Variants in SEPTIN6 observed in about 807,000 individuals in gnomAD.
SEPTIN6 encodes the protein septin 6.
A neutral mutation model predicts 33.6 loss-of-function variants in SEPTIN6; 8 were observed. The observed-to-expected ratio is 0.24, with a 90% CI of 0.14 to 0.43. The LOEUF is 0.43. SEPTIN6 is among the 20% of genes least tolerant of loss of function. The pLI is 1.00. For missense variants in SEPTIN6, 250 were observed against 340.8 expected (o/e 0.73, Z 2.10); for synonymous variants, 131 against 140.0 (o/e 0.94, Z 0.45).
At chrX:119,656,943 G>A (rs1444511143) in intron 3 of SEPTIN6, among the ~76,000 whole-genome samples, 1 of 108,966 alleles carries the variant, frequency 9.2e-6, no homozygotes, top group Non-Finnish European at 1.9e-5. Context: ...TGGAGGCCAG[G>A]TGGGGTGGCT....
chrX:119,674,281 C>T (rs776489976), intron 2 of SEPTIN6, among the ~76,000 whole-genome samples: 1 of 110,241 alleles, frequency 9.1e-6, no homozygotes, highest in South Asian at 3.9e-4. Context: ...TCACGCCATT[C>T]TCCTGCCTCA....
In SEPTIN6 at chrX:119,691,667, T is replaced by C. The variant is rs764246124; in HGVS notation, c.30+1409A>G. Among the ~76,000 whole-genome samples the C allele has an allele frequency of 2.7e-5, 3 of 112,263 alleles. No homozygotes were observed. In the Admixed American group the frequency reaches 2.8e-4, roughly 11 times the overall value. The stretch of plus-strand genomic sequence containing the variant: ...CTTCCAAACAGGGACAAAAGAGACA[T>C]TAATACATATTCTGTAGAGAAAATA... On this transcript the variant is annotated intron_variant, in intron 1 of 10. Transcript: ENST00000394610.
chrX:119,632,503 A>T (rs776798460), intron 8 of SEPTIN6, among the ~76,000 whole-genome samples: 127 of 99,435 alleles, frequency 1.3e-3, no homozygotes, highest in African/African-American at 4.4e-3. Context: ...GCCAACAGAC[A>T]TTTTTTTTTT....
At chrX:119,661,701 C>A (rs1051225139) in intron 3 of SEPTIN6, among the ~76,000 whole-genome samples, 7 of 110,916 alleles carry the variant, frequency 6.3e-5, no homozygotes, top group Admixed American at 2.9e-4. Flanking sequence ...CTCTGAGCCT[C>A]ACCTAGTCTT....
Position 119,666,061 on chromosome X carries a change from G to C in SEPTIN6, c.146-2384C>G, listed in dbSNP as rs1349746363. On this transcript the variant is annotated intron_variant, in intron 2 of 10. Coordinates refer to ENST00000394610, the MANE Select transcript of SEPTIN6 (RefSeq NM_145799.4). ...CGCGCCACTGCACTCCAGCCTGGGC[G>C]ACAGAGTGAGACTCCATCTCAAAAA... 8.0e-5 allele frequency among the ~76,000 whole-genome samples: 8 copies of C among 100,587 alleles called. No individual in the cohort carries two copies. The East Asian group carries it at 2.6e-3, about 33-fold the overall frequency. The allele number at this position is 100,587 out of a possible 115,157, so 87.3% of individuals were successfully genotyped here. A position where few individuals can be genotyped will look rare whatever the true frequency, so the allele number is the denominator to read the frequency against.
Position 119,652,952 on chromosome X carries a change from G to A in SEPTIN6, c.430C>T (p.His144Tyr). The change falls in exon 4 of 11, where the codon CAT becomes TAT. Residue 144 changes from histidine (H) to tyrosine (Y), a missense_variant. Physicochemically the swap from His to Tyr is moderately conservative, Grantham distance 83. This residue lies in a region of SEPTIN6 where 111 missense variants were observed against 113.8 expected (regional missense o/e 0.98). Transcript: ENST00000394610. ...AAGCAGACATGGATTCGGGAGTCAT[G>A]GTAGGTGTGTAGCACTCTTCGGATC... is the stretch of plus-strand genomic sequence containing the variant. Reference protein sequence around the residue: ...LKIRRVLHTYHDSRIHVCLYF... With the variant: ...LKIRRVLHTYYDSRIHVCLYF... 1 of 1,209,424 alleles carries A rather than the reference G, an allele frequency of 8.3e-7. No homozygotes were observed. Among genetic ancestry groups the A allele is most frequent in the Non-Finnish European group, 1.1e-6 (1 of 893,809 alleles).
chrX:119,660,203 G>A lies in SEPTIN6; in HGVS notation c.341+3279C>T, dbSNP rs151280328. 6.1e-3 allele frequency among the ~76,000 whole-genome samples: 682 copies of A among 112,355 alleles called. 5 individuals are homozygous for A. Among genetic ancestry groups the A allele is most frequent in the African/African-American group, 0.02 (634 of 30,960 alleles). On this transcript the variant is annotated intron_variant, in intron 3 of 10. Transcript: ENST00000394610. ...AGCATCCTTTAAATGGTAGCTTTCC[G>A]CAGTATCCGGCCTTAGTCATTCCTC... is the stretch of plus-strand genomic sequence containing the variant.
At chrX:119,631,836 C>T (rs531447040) in intron 8 of SEPTIN6, among the ~76,000 whole-genome samples, 8 of 107,672 alleles carry the variant, frequency 7.4e-5, no homozygotes, top group Non-Finnish European at 3.8e-5. Flanking sequence ...AATCTCGGCT[C>T]ACTGCAACCT....
chrX:119,686,165 G>A (rs1425704476), intron 1 of SEPTIN6, among the ~76,000 whole-genome samples: 1 of 112,206 alleles, frequency 8.9e-6, no homozygotes, highest in African/African-American at 3.2e-5. Flanking sequence ...GCCTCTGGGT[G>A]AATGCCCAAC....
intron 1 of SEPTIN6, among the ~76,000 whole-genome samples, chrX:119,684,140 TC>T (rs1253527494): frequency 7.2e-5 from 8 of 110,933 alleles, no homozygotes; most frequent in Non-Finnish European, 1.3e-4. Flanking sequence ...AGATGGGGTT[TC>T]ACCATGTTGG....
At chrX:119,659,168 G>A (rs1356986587) in intron 3 of SEPTIN6, among the ~76,000 whole-genome samples, 1 of 111,581 alleles carries the variant, frequency 9.0e-6, no homozygotes, top group Non-Finnish European at 1.9e-5. Flanking sequence ...AGAGGGTCTC[G>A]TTTTATTTTT....
chrX:119,681,218 T>C (rs754894005), intron 1 of SEPTIN6, among the ~76,000 whole-genome samples: 1 of 111,000 alleles, frequency 9.0e-6, no homozygotes, highest in Non-Finnish European at 1.9e-5. Flanking sequence ...CCTCTCTCAC[T>C]AAATCTCTGA....
intron 7 of SEPTIN6, 92 bp from the exon 8 acceptor site, chrX:119,633,584 C>A: frequency 9.5e-7 from 1 of 1,054,564 alleles, no homozygotes; most frequent in Non-Finnish European, 1.3e-6. Context: ...TTCCTCTGTC[C>A]TCCCTTCCCC....
intron 1 of SEPTIN6, among the ~76,000 whole-genome samples, chrX:119,689,679 T>TGTTA (rs2055125811): frequency 9.1e-6 from 1 of 109,623 alleles, no homozygotes; most frequent in Non-Finnish European, 1.9e-5. Context: ...GATTTAACCA[T>TGTTA]GTTAGCCAGG....
At position 119,616,973 on chromosome X, in the gene SEPTIN6, A is replaced by C. The variant is rs2053674284; in HGVS notation, c.*3120T>G. On this transcript the variant is annotated 3_prime_UTR_variant, in exon 11 of 11. Coordinates refer to ENST00000394610, the MANE Select transcript of SEPTIN6 (RefSeq NM_145799.4). The stretch of plus-strand genomic sequence containing the variant: ...AAAGCTTCTTGTTTTAATTAAAAAC[A>C]AGCACATATTAACAGCCACATGTGA... The C allele has an allele frequency of 9.7e-7, 1 of 1,036,077 alleles. No individual in the cohort carries two copies. The highest frequency in any genetic ancestry group is 1.9e-5 in the African/African-American group (1 of 51,999). 85.4% of individuals were successfully genotyped at this position (1,036,077 alleles called of 1,213,427 possible).
At chrX:119,687,043 A>G (rs2055067686) in intron 1 of SEPTIN6, among the ~76,000 whole-genome samples, 1 of 111,145 alleles carries the variant, frequency 9.0e-6, no homozygotes, top group Non-Finnish European at 1.9e-5. Context: ...ACTGACCAGC[A>G]ATAGCACTTC....
chrX:119,676,924 G>C (rs1273612493), intron 1 of SEPTIN6, among the ~76,000 whole-genome samples: 2 of 112,094 alleles, frequency 1.8e-5, no homozygotes. Context: ...CCTCAGACAA[G>C]TTACATAAAC....
chrX:119,665,937 C>T (rs2054627940), intron 2 of SEPTIN6, among the ~76,000 whole-genome samples: 2 of 110,143 alleles, frequency 1.8e-5, no homozygotes, highest in Admixed American at 1.9e-4. Context: ...CAAAAATTAG[C>T]CAGGCGTGAT....
chrX:119,626,420 A>G (rs1325023815), intron 9 of SEPTIN6, among the ~76,000 whole-genome samples: 1 of 112,255 alleles, frequency 8.9e-6, no homozygotes, highest in Non-Finnish European at 1.9e-5. Flanking sequence ...TACTGAGTTA[A>G]CAAATACCAC....
Sources: allele counts gnomAD v4.1 joint callset (sites outside exome capture counted in the v4.1 genomes callset), GRCh38; gene constraint gnomAD v4.1.1; regional missense constraint gnomAD v4.1.1; transcripts MANE v1.5; gene names NCBI Gene and HGNC (gene_info 2026-07-23, HGNC 2026-07-21).